The following P2RX2 variants were observed in gnomAD, a reference collection of about 807,000 sequenced individuals.
The protein encoded by P2RX2 is purinergic receptor P2X 2, also known as P2X purinoceptor 2.
P2RX2 carries 50 observed loss-of-function variants against 54.8 expected under a neutral mutation model. The ratio of observed to expected loss-of-function variants is 0.91; its 90% CI spans 0.73 to 1.15. P2RX2 has a LOEUF of 1.15. Among genes scored for constraint, P2RX2 ranks in the 50% most tolerant of loss-of-function variants. P2RX2 has a pLI of 0.00. For missense variants in P2RX2, 658 were observed against 633.2 expected, an observed-to-expected ratio of 1.04 and a Z score of -0.42; for synonymous variants, 289 against 259.4, an observed-to-expected ratio of 1.11 and a Z score of -1.09.
chr12:132,621,852 C>T lies in P2RX2; in HGVS notation c.1296C>T (p.Ala432=). Residue 432 remains alanine, a synonymous_variant, in exon 11 of 11, where the codon GCC becomes GCT. Transcript: ENST00000643471. ...AACAAGGGGCAGAGTGTGGCCCAGC[C>T]TTCCCGCCCCTGCGGCCTTGCCCCA... ...EGQQGAECGP[A]FPPLRPCPIS... The T allele has an allele frequency of 6.2e-7, 1 of 1,612,788 alleles. No individual in the cohort carries two copies. The highest frequency in any genetic ancestry group is 8.5e-7 in the Non-Finnish European group (1 of 1,179,604).
At position 132,622,003 on chromosome 12, in the gene P2RX2, C is replaced by G; in HGVS notation, c.*31C>G. ...TTTCCATCTCACTGGACTGCAGACC[C>G]GGCCTGGTGGGGCCAGAGAGTCCCC... On this transcript the variant is annotated 3_prime_UTR_variant, in exon 11 of 11. Coordinates refer to ENST00000643471, the MANE Select transcript of P2RX2 (RefSeq NM_170682.4). The G allele has an allele frequency of 6.2e-7, 1 of 1,612,366 alleles. No homozygotes were observed. Among genetic ancestry groups the G allele is most frequent in the Non-Finnish European group, 8.5e-7 (1 of 1,179,542 alleles).
Position 132,621,520 on chromosome 12 carries a change from G to C in P2RX2, c.1042G>C (p.Ala348Pro). 1 of 1,568,678 alleles carries C rather than the reference G, an allele frequency of 6.4e-7. No individual in the cohort carries two copies. Residue 348 changes from alanine to proline, a missense_variant, in exon 10 of 11, where the codon GCT (alanine) becomes CCT (proline). Physicochemically the swap from Ala to Pro is conservative, Grantham distance 27 (BLOSUM62 -1). Transcript: ENST00000643471. Reference sequence around the variant, plus strand: ...TCCCACCATTATTAATCTGGCCACAGCTCTGACTTCCGTCGGGGTGGTAAG... The same window carrying C: ...TCCCACCATTATTAATCTGGCCACACCTCTGACTTCCGTCGGGGTGGTAAG... The part of the protein sequence containing the change: ...LIPTIINLAT[A>P]LTSVGVGSFL...
In P2RX2 at chr12:132,619,852, G is replaced by T. The variant is rs778216098; in HGVS notation, c.390G>T (p.Arg130Ser). The T allele has an allele frequency of 1.2e-6, 2 of 1,611,326 alleles. No individual in the cohort carries two copies. Among genetic ancestry groups the T allele is most frequent in the Non-Finnish European group, 8.5e-7 (1 of 1,179,558 alleles). Residue 130 changes from arginine (R) to serine (S), a missense_variant, in exon 4 of 11, where the codon AGG (arginine) becomes AGT (serine). Transcript: ENST00000643471. ...GGCCGCCTCCACCCTAGAGCATAAGGGTCCACAACGCCACCTGCCTCTCCG... is the reference window on the plus strand; with the variant it reads ...GGCCGCCTCCACCCTAGAGCATAAGTGTCCACAACGCCACCTGCCTCTCCG... Reference protein sequence around the residue: ...QTQGTCPESIRVHNATCLSDA... With the variant: ...QTQGTCPESISVHNATCLSDA...
intron 1 of P2RX2, 23 bp from the exon 2 acceptor site, chr12:132,619,416 G>T (rs1405999797): frequency 6.2e-7 from 1 of 1,610,862 alleles, no homozygotes; most frequent in South Asian, 1.1e-5. Flanking sequence ...CGCCTCCGGA[G>T]CCGGCGCCGC....
chr12:132,619,993 C>T lies in P2RX2; in HGVS notation c.458-7C>T. The T allele has an allele frequency of 6.3e-7, 1 of 1,581,892 alleles. No individual in the cohort carries two copies. Among genetic ancestry groups the T allele is most frequent in the Non-Finnish European group, 8.6e-7 (1 of 1,165,826 alleles). On this transcript the variant is annotated splice_region_variant and splice_polypyrimidine_tract_variant and intron_variant, in intron 4 of 10. Transcript: ENST00000643471. ...CCGCTAATGCCTCAGTGACCTCTGC[C>T]TCCCAGGCCTGAGGACTGGGCGCTG...
At chr12:132,621,444 A>C (rs1441154928) in intron 9 of P2RX2, 31 bp from the exon 10 acceptor site, 1 of 1,578,224 alleles carries the variant, frequency 6.3e-7, no homozygotes, top group Non-Finnish European at 8.6e-7. Context: ...ACGCCGTCAG[A>C]CATTCTGACC....
Position 132,622,276 on chromosome 12 carries a change from G to A in P2RX2, c.*304G>A. ...TCTGAGGGGCTCTGCTCCCGGTCTT[G>A]GGCCCTGGGAACCCCACCCCACCCC... On this transcript the variant is annotated 3_prime_UTR_variant, in exon 11 of 11. Coordinates refer to ENST00000643471, the MANE Select transcript of P2RX2 (RefSeq NM_170682.4). The A allele has an allele frequency of 7.7e-7, 1 of 1,302,928 alleles. No individual in the cohort carries two copies. Among genetic ancestry groups the A allele is most frequent in the East Asian group, 3.3e-5 (1 of 30,398 alleles). 80.7% of individuals were successfully genotyped at this position (1,302,928 alleles called of 1,614,324 possible).
intron 6 of P2RX2, 34 bp downstream of exon 6, chr12:132,620,381 T>TGA: frequency 6.2e-7 from 1 of 1,613,838 alleles, no homozygotes. Context: ...CGGCCCAGCC[T>TGA]GAGGGCTGCC....
In P2RX2 at chr12:132,619,552, A is replaced by C; in HGVS notation, c.287A>C (p.Glu96Ala). The change falls in exon 2 of 11, where the codon GAG becomes GCG. Residue 96 changes from glutamate to alanine, a missense_variant. Glu to Ala is a moderately radical substitution (Grantham distance 107). Transcript: ENST00000643471. ...TTSEHKVWDV[E>A]EYVKPPEGGS... The stretch of plus-strand genomic sequence containing the variant: ...TCCGAGCACAAAGTGTGGGACGTGG[A>C]GGAGTACGTGAAGCCCCCCGAGGTG... 1 of 1,611,744 alleles carries C rather than the reference A, an allele frequency of 6.2e-7. No homozygotes were observed.
At position 132,621,892 on chromosome 12, in the gene P2RX2, G is replaced by A. The variant is rs1445225053; in HGVS notation, c.1336G>A (p.Glu446Lys). ...GCCTTGCCCCATCTCTGCCCCTTCTGAGCAGATGGTGGACACTCCTGCCTC... is the reference window on the plus strand; with the variant it reads ...GCCTTGCCCCATCTCTGCCCCTTCTAAGCAGATGGTGGACACTCCTGCCTC... The part of the protein sequence containing the change: ...LRPCPISAPS[E>K]QMVDTPASEP... The change falls in exon 11 of 11, where the codon GAG becomes AAG. Residue 446 changes from glutamate to lysine, a missense_variant. Glu to Lys is a moderately conservative substitution (Grantham distance 56). Coordinates refer to ENST00000643471, the MANE Select transcript of P2RX2 (RefSeq NM_170682.4). The A allele has an allele frequency of 6.2e-7, 1 of 1,613,648 alleles. No homozygotes were observed. The highest frequency in any genetic ancestry group is 1.3e-5 in the African/African-American group (1 of 75,046).
intron 7 of P2RX2, 45 bp downstream of exon 7, chr12:132,620,628 T>C: frequency 6.3e-7 from 1 of 1,596,358 alleles, no homozygotes; most frequent in Non-Finnish European, 8.5e-7. Flanking sequence ...GGCTCCCACC[T>C]GCACAGAGAG....
rs765404334 is a variant in P2RX2, at chr12:132,619,662, CCT to C, written c.310-14_310-13del. On this transcript the variant is annotated splice_polypyrimidine_tract_variant and intron_variant, in intron 2 of 10. Transcript: ENST00000643471. ...GCGGCTGCCGCCTGGCCGACCGCCCCCTCTTTCTGAGCCCAGGGGGGCAGCGT... is the reference window on the plus strand; with the variant it reads ...GCGGCTGCCGCCTGGCCGACCGCCCCCTTTCTGAGCCCAGGGGGGCAGCGT... The C allele has an allele frequency of 2.2e-5, 35 of 1,586,924 alleles. No homozygotes were observed. The East Asian group carries it at 6.3e-4, about 28-fold the overall frequency.
In P2RX2 at chr12:132,619,483, G is replaced by A; in HGVS notation, c.218G>A (p.Gly73Asp). The change falls in exon 2 of 11, where the codon GGC (glycine) becomes GAC (aspartate). Residue 73 changes from glycine to aspartate, a missense_variant. Transcript: ENST00000643471. ...VQKSYQESET[G>D]PESSIITKVK... ...AAAAGCTACCAGGAGAGCGAGACGG[G>A]CCCCGAGAGCTCCATCATCACCAAG... The A allele has an allele frequency of 6.2e-7, 1 of 1,612,710 alleles. No individual in the cohort carries two copies. The highest frequency in any genetic ancestry group is 1.1e-5 in the South Asian group (1 of 91,078).
chr12:132,621,851 C>T lies in P2RX2; in HGVS notation c.1295C>T (p.Ala432Val), dbSNP rs116421542. The change falls in exon 11 of 11, where the codon GCC (alanine) becomes GTC (valine). Residue 432 changes from alanine (A) to valine (V), a missense_variant. Physicochemically the swap from Ala to Val is moderately conservative, Grantham distance 64 (BLOSUM62 0). Transcript: ENST00000643471. ...EGQQGAECGP[A>V]FPPLRPCPIS... is the part of the protein sequence containing the mutation. Reference sequence around the variant, plus strand: ...CAACAAGGGGCAGAGTGTGGCCCAGCCTTCCCGCCCCTGCGGCCTTGCCCC... The same window carrying T: ...CAACAAGGGGCAGAGTGTGGCCCAGTCTTCCCGCCCCTGCGGCCTTGCCCC... 6.2e-7 allele frequency: 1 copy of T among 1,612,566 alleles called. No homozygotes were observed. The highest frequency in any genetic ancestry group is 1.1e-5 in the South Asian group (1 of 90,944).
chr12:132,621,427 C>A, intron 9 of P2RX2, 48 bp from the exon 10 acceptor site: 1 of 1,588,958 alleles, frequency 6.3e-7, no homozygotes, highest in South Asian at 1.1e-5. Flanking sequence ...CCCTTAAGCC[C>A]CATCAGACGC....
rs1424555943 is a variant in P2RX2, at chr12:132,622,061, CAGT to C, written c.*92_*94del. 15 of 1,580,594 alleles carry C rather than the reference CAGT, an allele frequency of 9.5e-6. No homozygotes were observed. Among genetic ancestry groups the C allele is most frequent in the African/African-American group, 1.3e-5 (1 of 74,158 alleles). On this transcript the variant is annotated 3_prime_UTR_variant, in exon 11 of 11. Transcript: ENST00000643471. Reference sequence around the variant, plus strand: ...GACCTGCACGTGGACGTGGGCACCTCAGTAGCGGAGCATCTCCACGAAACGGGG... The same window carrying C: ...GACCTGCACGTGGACGTGGGCACCTCAGCGGAGCATCTCCACGAAACGGGG...
At position 132,620,702 on chromosome 12, in the gene P2RX2, GA is replaced by G. The variant is rs11364942; in HGVS notation, c.774+123del. ...ACCAGCTGGCCCCGCTCAGGCAGAG[GA>G]AAAGAAATGCGATCAGCGCAACCCA... On this transcript the variant is annotated intron_variant, in intron 7 of 10. Transcript: ENST00000643471. 711,779 of 1,160,550 alleles carry G rather than the reference GA, an allele frequency of 0.61. 223,387 individuals are homozygous for G. The highest frequency in any genetic ancestry group is 0.81 in the African/African-American group (52,876 of 65,482). The allele number at this position is 1,160,550 out of a possible 1,614,324, so 71.9% of individuals were successfully genotyped here. A position where few individuals can be genotyped will look rare whatever the true frequency, so the allele number is the denominator to read the frequency against.
rs565310703 is a variant in P2RX2 at position 132,620,759 on chromosome 12, C to T, written c.774+176C>T. ...TGTGGCGCTTGCTGAATTATTGACA[C>T]TGGCCATGGGGCTGGCTGCTGGCAC... On this transcript the variant is annotated intron_variant, in intron 7 of 10. Transcript: ENST00000643471. 1.1e-3 allele frequency among the ~76,000 whole-genome samples: 174 copies of T among 152,322 alleles called. 2 individuals carry two copies. Among genetic ancestry groups the T allele is most frequent in the Non-Finnish European group, 1.2e-4 (8 of 68,028 alleles).
intron 1 of P2RX2, 73 bp from the exon 2 acceptor site, chr12:132,619,366 C>G: frequency 6.4e-7 from 1 of 1,572,172 alleles, no homozygotes; most frequent in Non-Finnish European, 8.7e-7. Context: ...GCGGGAGGGC[C>G]CCTGCCGTGC....
Sources: gnomAD v4.1 joint callset for allele counts (sites outside exome capture counted in the v4.1 genomes callset) on GRCh38, gnomAD v4.1.1 for gene constraint, MANE v1.5 for transcripts, NCBI Gene and HGNC (gene_info 2026-07-23, HGNC 2026-07-21) for gene names.